TLN2: variants seen among roughly 807,000 people sequenced by gnomAD.
TLN2 encodes the protein talin-2.
In TLN2, 118 loss-of-function variants were observed where a neutral mutation model predicts 294.7. That is an observed-to-expected ratio of 0.40 (90% CI 0.34 to 0.47). The LOEUF (loss-of-function observed/expected upper bound fraction) is 0.47, where lower values mean the gene tolerates loss of function less well. Ranked by LOEUF, TLN2 falls within the 20% of genes least tolerant of loss-of-function variation. TLN2 has a pLI of 0.84. For synonymous variants in TLN2, 1,431 were observed against 1,304.5 expected (o/e 1.10, Z -2.09); for missense variants, 3,083 against 3,282.2 (o/e 0.94, Z 1.48).
chr15:62,740,682 C>T lies in TLN2; in HGVS notation c.3938C>T (p.Ala1313Val), dbSNP rs1286221592. Reference sequence around the variant, plus strand: ...GGGAACCTCAAGAATATCTCGATGGCATCCAGCAAGCTGCTGTTAGCTGCC... The same window carrying T: ...GGGAACCTCAAGAATATCTCGATGGTATCCAGCAAGCTGCTGTTAGCTGCC... ...VIGNLKNISMASSKLLLAAKS... is the reference protein window; with the variant it reads ...VIGNLKNISMVSSKLLLAAKS... Residue 1313 changes from alanine (A) to valine (V), a missense_variant, in exon 32 of 59, where the codon GCA becomes GTA. Transcript: ENST00000636159. The T allele has an allele frequency of 1.2e-6, 2 of 1,614,096 alleles. No individual in the cohort carries two copies. The highest frequency in any genetic ancestry group is 1.3e-5 in the African/African-American group (1 of 74,930).
chr15:62,482,799 C>T (rs765350855), intron 1 of TLN2, among the ~76,000 whole-genome samples: 3 of 152,086 alleles, frequency 2.0e-5, no homozygotes, highest in Non-Finnish European at 4.4e-5. Context: ...GCAGACCCAG[C>T]GGTGGCCAGG....
At chr15:62,736,407 A>G (rs1300632111) in intron 28 of TLN2, among the ~76,000 whole-genome samples, 2 of 152,196 alleles carry the variant, frequency 1.3e-5, no homozygotes, top group African/African-American at 4.8e-5. Flanking sequence ...GACTGGCACA[A>G]CTGATGGTGG....
At chr15:62,616,566 T>A (rs369186478) in intron 2 of TLN2, among the ~76,000 whole-genome samples, 1 of 152,236 alleles carries the variant, frequency 6.6e-6, no homozygotes, top group South Asian at 2.1e-4. Context: ...TGTGCTGAGA[T>A]CACAGGCATG....
chr15:62,525,781 T>G (rs2040701744), intron 1 of TLN2, among the ~76,000 whole-genome samples: 2 of 152,212 alleles, frequency 1.3e-5, no homozygotes, highest in South Asian at 2.1e-4. Flanking sequence ...GATGCTGCCC[T>G]CACCTGTTCC....
At chr15:62,720,549 T>C (rs1484365020) in intron 25 of TLN2, among the ~76,000 whole-genome samples, 1 of 152,164 alleles carries the variant, frequency 6.6e-6, no homozygotes, top group Non-Finnish European at 1.5e-5. Flanking sequence ...TACATCTATT[T>C]GGTTCATTTT....
intron 1 of TLN2, among the ~76,000 whole-genome samples, chr15:62,398,583 A>G (rs976222420): frequency 2.0e-5 from 3 of 152,138 alleles, no homozygotes; most frequent in African/African-American, 7.2e-5. Context: ...AAATGCTGAT[A>G]GTGATATGGA....
At chr15:62,709,078 G>A (rs2059255977) in intron 21 of TLN2, among the ~76,000 whole-genome samples, 1 of 152,184 alleles carries the variant, frequency 6.6e-6, no homozygotes, top group Non-Finnish European at 1.5e-5. Flanking sequence ...TGCACGTGTT[G>A]GGTACGGTAT....
At chr15:62,838,692 G>A (rs1330574602) in intron 57 of TLN2, among the ~76,000 whole-genome samples, 164 bp from the exon 58 acceptor site, 1 of 148,494 alleles carries the variant, frequency 6.7e-6, no homozygotes, top group African/African-American at 2.6e-5. Context: ...CAGAATCCAC[G>A]GATGGATGGA....
chr15:62,661,054 T>C (rs1429996522), intron 9 of TLN2, among the ~76,000 whole-genome samples: 1 of 152,162 alleles, frequency 6.6e-6, no homozygotes, highest in Admixed American at 6.5e-5. Context: ...AGAAGGTCAA[T>C]GTAAAGAAGA....
At chr15:62,692,775 C>T in intron 12 of TLN2, 65 bp from the exon 13 acceptor site, 1 of 1,290,924 alleles carries the variant, frequency 7.7e-7, no homozygotes, top group Non-Finnish European at 1.1e-6. Context: ...AGAGCTGGAC[C>T]TGCTAGCCTT....
intron 54 of TLN2, chr15:62,831,554 G>T (rs184147302): frequency 6.6e-6 from 1 of 152,080 alleles, no homozygotes; most frequent in Non-Finnish European, 1.5e-5. Flanking sequence ...TTTTATACGA[G>T]AGTGTCTTAC....
intron 41 of TLN2, among the ~76,000 whole-genome samples, chr15:62,767,676 C>T (rs902648166): frequency 2.6e-5 from 4 of 152,176 alleles, no homozygotes; most frequent in Non-Finnish European, 5.9e-5. Context: ...CTTTATACGG[C>T]AATTAGAAAA....
chr15:62,395,528 A>G (rs962621574), intron 1 of TLN2, among the ~76,000 whole-genome samples: 1 of 152,184 alleles, frequency 6.6e-6, no homozygotes, highest in Non-Finnish European at 1.5e-5. Context: ...GGAAAAGCAG[A>G]TCATTTCTGT....
chr15:62,758,846 C>T (rs1198808646), intron 37 of TLN2, among the ~76,000 whole-genome samples: 1 of 152,186 alleles, frequency 6.6e-6, no homozygotes, highest in Non-Finnish European at 1.5e-5. Flanking sequence ...GCAAGGTGAC[C>T]TTGTCAAGTC....
chr15:62,455,431 G>A lies in TLN2; in HGVS notation c.-238+64746G>A, dbSNP rs555103804. Among the ~76,000 whole-genome samples the A allele has an allele frequency of 1.9e-4, 29 of 152,310 alleles. No homozygotes were observed. The South Asian group carries it at 5.8e-3, about 30-fold the overall frequency. ...ACAAAAAGATGGTACAGCGCAGTAG[G>A]AGTCAGATAGCACAGGGGTTGGTTA... On this transcript the variant is annotated intron_variant, in intron 1 of 58. Transcript: ENST00000636159.
At position 62,836,157 on chromosome 15, in the gene TLN2, CA is replaced by C. The variant is rs1482406011; in HGVS notation, c.7374+85del. On this transcript the variant is annotated intron_variant, in intron 57 of 58. Coordinates refer to ENST00000636159, the MANE Select transcript of TLN2 (RefSeq NM_015059.3). ...GAGGGGACAAGCCTCACTTCCTTGG[CA>C]TGACCCACCAGGCCTTCCATCAGCC... 4.0e-6 allele frequency: 6 copies of C among 1,517,788 alleles called. No individual in the cohort carries two copies. The Admixed American group carries it at 7.9e-5, about 20-fold the overall frequency. The allele number at this position is 1,517,788 out of a possible 1,614,324, so 94.0% of individuals were successfully genotyped here.
chr15:62,631,772 G>A (rs187336277), intron 3 of TLN2, among the ~76,000 whole-genome samples: 6 of 139,448 alleles, frequency 4.3e-5, no homozygotes, highest in Non-Finnish European at 7.7e-5. Context: ...TGGTATAGAC[G>A]GGGTCTCCCT....
At chr15:62,582,636 G>C (rs1025670937) in intron 1 of TLN2, among the ~76,000 whole-genome samples, 3 of 152,106 alleles carry the variant, frequency 2.0e-5, no homozygotes, top group Non-Finnish European at 4.4e-5. Context: ...CAGCTCAGAG[G>C]GCAGGGGACA....
At chr15:62,427,649 C>T (rs1429186207) in intron 1 of TLN2, among the ~76,000 whole-genome samples, 1 of 152,170 alleles carries the variant, frequency 6.6e-6, no homozygotes, top group African/African-American at 2.4e-5. Context: ...CCCTCCTTTG[C>T]CCTCCAGACG....
Sources: allele counts gnomAD v4.1 joint callset (sites outside exome capture counted in the v4.1 genomes callset), GRCh38; gene constraint gnomAD v4.1.1; transcripts MANE v1.5; gene names NCBI Gene and HGNC (gene_info 2026-07-23, HGNC 2026-07-21).